Variants in LYRM4 observed in about 807,000 individuals in gnomAD.
LYRM4 encodes LYR motif containing 4.
A neutral mutation model predicts 11.7 loss-of-function variants in LYRM4; 9 were observed. The observed-to-expected ratio is 0.77, with a 90% CI of 0.46 to 1.34. The LOEUF (loss-of-function observed/expected upper bound fraction) is 1.34. Ranked by LOEUF, LYRM4 falls within the 40% of genes most tolerant of loss-of-function variation. The probability of loss-of-function intolerance (pLI) is 0.00; values close to 1 mark genes in which losing one functional copy is unlikely to be tolerated. For synonymous variants in LYRM4, 42 were observed against 40.4 expected (o/e 1.04, Z -0.15); for missense variants, 133 against 112.5 (o/e 1.18, Z -0.82).
chr6:5,083,533 T>G, the LYRM4 span, among the ~76,000 whole-genome samples: 1 of 152,172 alleles, frequency 6.6e-6, no homozygotes, highest in East Asian at 1.9e-4. Context: ...GGGGGAAATG[T>G]TTCCTCTAAG....
At chr6:5,086,098 G>T in the LYRM4 span, 1 of 1,467,908 alleles carries the variant, frequency 6.8e-7, no homozygotes, top group Non-Finnish European at 8.9e-7. Flanking sequence ...CCAGCTCCCG[G>T]GGCCGAGCGC....
chr6:5,192,264 G>A (rs747630944), intron 2 of LYRM4, among the ~76,000 whole-genome samples: 4 of 152,122 alleles, frequency 2.6e-5, no homozygotes, highest in African/African-American at 9.7e-5. Context: ...GATGGCCTGG[G>A]GTAGGGTGGT....
At chr6:5,087,843 A>C in the LYRM4 span, 5 of 152,322 alleles carry the variant, frequency 3.3e-5, no homozygotes, top group African/African-American at 1.2e-4. Flanking sequence ...CATCCCGAGT[A>C]AGGTCTGTCG....
intron 2 of LYRM4, among the ~76,000 whole-genome samples, chr6:5,139,299 T>C (rs185819473): frequency 6.6e-6 from 1 of 152,304 alleles, no homozygotes; most frequent in East Asian, 1.9e-4. Flanking sequence ...GGAAACATGG[T>C]GAGCATATCA....
chr6:5,113,842 C>A (rs1263302576), intron 2 of LYRM4, among the ~76,000 whole-genome samples: 1 of 152,066 alleles, frequency 6.6e-6, no homozygotes, highest in Non-Finnish European at 1.5e-5. Context: ...GCTGGGATTA[C>A]AGGCATGTGC....
chr6:5,218,257 C>T (rs894373165), intron 1 of LYRM4: 32 of 985,070 alleles, frequency 3.2e-5, no homozygotes, highest in East Asian at 1.1e-4. Flanking sequence ...CTTGGAGCAC[C>T]GGTTAAAGAA....
intron 2 of LYRM4, among the ~76,000 whole-genome samples, chr6:5,133,397 G>C (rs1316414652): frequency 6.6e-6 from 1 of 152,146 alleles, no homozygotes. Context: ...AAACTTGCAC[G>C]GGCTTAAATC....
At chr6:5,074,231 T>A in the LYRM4 span, among the ~76,000 whole-genome samples, 3 of 151,970 alleles carry the variant, frequency 2.0e-5, no homozygotes, top group South Asian at 6.2e-4. Context: ...AGAAAAGAGG[T>A]CGAAGGGCAC....
At chr6:5,221,293 C>T (rs1182556209) in intron 1 of LYRM4, among the ~76,000 whole-genome samples, 1 of 152,230 alleles carries the variant, frequency 6.6e-6, no homozygotes, top group East Asian at 1.9e-4. Flanking sequence ...CATTGGCTAC[C>T]AATATTTCTC....
chr6:5,260,888 C>G lies in LYRM4; in HGVS notation c.-155G>C. 7.1e-7 allele frequency: 1 copy of G among 1,406,920 alleles called. No homozygotes were observed. The highest frequency in any genetic ancestry group is 1.5e-5 in the South Asian group (1 of 64,758). The allele number at this position is 1,406,920 out of a possible 1,614,324, so 87.2% of individuals were successfully genotyped here. ...CGGGCCTAAGCCTAAGCGGGCAGCC[C>G]TGCGGATCGCGGACGGCGCCAGGCG... On this transcript the variant is annotated 5_prime_UTR_variant, in exon 1 of 3. Transcript: ENST00000330636.
chr6:5,251,427 T>C (rs185079210), intron 1 of LYRM4, among the ~76,000 whole-genome samples: 1 of 152,334 alleles, frequency 6.6e-6, no homozygotes, highest in East Asian at 1.9e-4. Flanking sequence ...GGAATTGTGA[T>C]GCTGGCATCT....
chr6:5,192,701 C>T (rs993373338), intron 2 of LYRM4, among the ~76,000 whole-genome samples: 4 of 152,224 alleles, frequency 2.6e-5, no homozygotes, highest in Non-Finnish European at 5.9e-5. Context: ...GGCACCAAAT[C>T]CACAACAGGC....
intron 1 of LYRM4, among the ~76,000 whole-genome samples, chr6:5,250,738 T>C (rs993622118): frequency 6.6e-6 from 1 of 152,186 alleles, no homozygotes; most frequent in Admixed American, 6.5e-5. Flanking sequence ...AGAACTGATA[T>C]GGAAACAACT....
intron 2 of LYRM4, among the ~76,000 whole-genome samples, chr6:5,129,156 C>T (rs973782671): frequency 6.6e-6 from 1 of 152,210 alleles, no homozygotes; most frequent in African/African-American, 2.4e-5. Flanking sequence ...TACCTGCTCC[C>T]GCACTCAGCT....
chr6:5,207,552 T>C (rs1209220977), intron 2 of LYRM4, among the ~76,000 whole-genome samples: 1 of 152,154 alleles, frequency 6.6e-6, no homozygotes, highest in Non-Finnish European at 1.5e-5. Context: ...GGAGTCAACT[T>C]TGATTACTTG....
intron 2 of LYRM4, among the ~76,000 whole-genome samples, chr6:5,210,266 A>G (rs1451407670): frequency 6.6e-6 from 1 of 152,200 alleles, no homozygotes; most frequent in Non-Finnish European, 1.5e-5. Flanking sequence ...GGGGACAGAT[A>G]TTTATGTGAA....
At chr6:5,203,061 T>TA in intron 2 of LYRM4, among the ~76,000 whole-genome samples, 1 of 152,158 alleles carries the variant, frequency 6.6e-6, no homozygotes, top group East Asian at 1.9e-4. Flanking sequence ...CAGGCATGTG[T>TA]TTGAACATGC....
chr6:5,200,343 TA>T (rs1761316492), intron 2 of LYRM4, among the ~76,000 whole-genome samples: 1 of 152,306 alleles, frequency 6.6e-6, no homozygotes, highest in East Asian at 1.9e-4. Context: ...CTTTTGGCTC[TA>T]AGCCCTGTTA....
At chr6:5,156,786 G>A (rs1032332059) in intron 2 of LYRM4, among the ~76,000 whole-genome samples, 1 of 152,202 alleles carries the variant, frequency 6.6e-6, no homozygotes, top group African/African-American at 2.4e-5. Flanking sequence ...GGGGAAAGAT[G>A]GATAGGAGAG....
Sources: gnomAD v4.1 joint callset for allele counts (sites outside exome capture counted in the v4.1 genomes callset) on GRCh38, gnomAD v4.1.1 for gene constraint, MANE v1.5 for transcripts, NCBI Gene and HGNC (gene_info 2026-07-23, HGNC 2026-07-21) for gene names.